Variants in UGT1A5 observed in about 807,000 individuals in gnomAD.
The protein encoded by UGT1A5 is UDP-glucuronosyltransferase 1A5.
In UGT1A5, 29 loss-of-function variants were observed where a neutral mutation model predicts 40.3. The ratio of observed to expected loss-of-function variants is 0.72; its 90% CI spans 0.54 to 0.98. UGT1A5 has a LOEUF of 0.98. UGT1A5 is among the 50% of genes least tolerant of loss of function. The pLI, the probability that UGT1A5 is intolerant of heterozygous loss-of-function variation, is 0.00. For synonymous variants in UGT1A5, 257 were observed against 262.5 expected, an observed-to-expected ratio of 0.98 and a Z score of 0.20; for missense variants, 678 against 677.9, an observed-to-expected ratio of 1.00 and a Z score of 0.00.
At chr2:233,743,661 G>C in intron 1 of UGT1A5, 1 of 1,367,236 alleles carries the variant, frequency 7.3e-7, no homozygotes, top group Non-Finnish European at 9.8e-7. Flanking sequence ...TACTCGAAGG[G>C]GTCCTCGAAG....
chr2:233,757,875 A>G (rs776201583), intron 1 of UGT1A5, among the ~76,000 whole-genome samples: 1 of 152,028 alleles, frequency 6.6e-6, no homozygotes, highest in Non-Finnish European at 1.5e-5. Flanking sequence ...AGTAGCTTCA[A>G]AAGGGTTCCA....
intron 4 of UGT1A5, among the ~76,000 whole-genome samples, chr2:233,771,932 C>G (rs909817739): frequency 6.6e-6 from 1 of 152,046 alleles, no homozygotes; most frequent in African/African-American, 2.4e-5. Context: ...CTGGGCAACA[C>G]AATAAGACCT....
In UGT1A5 at chr2:233,713,192, G is replaced by A; in HGVS notation, c.201G>A (p.Met67Ile). The A allele has an allele frequency of 6.2e-7, 1 of 1,614,232 alleles. No individual in the cohort carries two copies. ...TGGTCCTCACCCTGGAGGTGAATAT[G>A]TACATCAAAGAAGAGAACTTTTTCA... ...QVVVLTLEVN[M>I]YIKEENFFTL... Residue 67 changes from methionine (M) to isoleucine (I), a missense_variant, in exon 1 of 5, where the codon ATG (methionine) becomes ATA (isoleucine). By Grantham distance (10) the Met-to-Ile change is conservative. Transcript: ENST00000373414.
At chr2:233,719,047 C>A in intron 1 of UGT1A5, 2 of 1,614,252 alleles carry the variant, frequency 1.2e-6, no homozygotes, top group Non-Finnish European at 1.7e-6. Flanking sequence ...AAATTTTTCA[C>A]CCTGACAGCC....
chr2:233,748,809 T>C (rs927087498), intron 1 of UGT1A5, among the ~76,000 whole-genome samples: 1 of 151,174 alleles, frequency 6.6e-6, no homozygotes, highest in Non-Finnish European at 1.5e-5. Flanking sequence ...TATCAAGAAA[T>C]TGTGGAAGGG....
chr2:233,772,878 G>A lies in UGT1A5; in HGVS notation c.*319G>A. ...GAAACATGGCCTGTTTGGGAGTGCG[G>A]GATTCAAAGGTGGTCCCACGGCTGC... is the stretch of plus-strand genomic sequence containing the variant. On this transcript the variant is annotated 3_prime_UTR_variant, in exon 5 of 5. Coordinates refer to ENST00000373414, the MANE Select transcript of UGT1A5 (RefSeq NM_019078.2). 1 of 577,674 alleles carries A rather than the reference G, an allele frequency of 1.7e-6. No individual in the cohort carries two copies. 35.8% of individuals were successfully genotyped at this position (577,674 alleles called of 1,614,324 possible). A position where few individuals can be genotyped will look rare whatever the true frequency, so the allele number is the denominator to read the frequency against.
chr2:233,759,167 C>A (rs1180599090), intron 1 of UGT1A5, among the ~76,000 whole-genome samples: 1 of 152,178 alleles, frequency 6.6e-6, no homozygotes, highest in African/African-American at 2.4e-5. Context: ...ACAAGGCAGG[C>A]AGGTTTCACG....
At chr2:233,729,403 G>A (rs1559374235) in intron 1 of UGT1A5, 1 of 1,613,838 alleles carries the variant, frequency 6.2e-7, no homozygotes, top group Non-Finnish European at 8.5e-7. Flanking sequence ...TGATCGCCAT[G>A]TGCTGGGCCA....
At chr2:233,748,154 C>T (rs1428123835) in intron 1 of UGT1A5, 2 of 1,600,806 alleles carry the variant, frequency 1.2e-6, no homozygotes, top group Non-Finnish European at 1.7e-6. Flanking sequence ...CTTACAATTG[C>T]TTCCATATCT....
In UGT1A5 at chr2:233,755,092, A is replaced by T. The variant is rs549594693; in HGVS notation, c.868-11942A>T. ...TAGCGGTCATAGATATCGCGTTTCT[A>T]CGCGTCCGACAACACCTCGTAGGCC... On this transcript the variant is annotated intron_variant, in intron 1 of 4. Transcript: ENST00000373414. 773 of 1,335,120 alleles carry T rather than the reference A, an allele frequency of 5.8e-4. 7 individuals carry two copies. Among genetic ancestry groups the T allele is most frequent in the Non-Finnish European group, 7.2e-4 (712 of 992,672 alleles). 82.7% of individuals were successfully genotyped at this position (1,335,120 alleles called of 1,614,324 possible).
intron 1 of UGT1A5, chr2:233,755,373 C>A (rs534555830): frequency 2.8e-6 from 1 of 357,666 alleles, no homozygotes; most frequent in South Asian, 2.2e-5. Context: ...GCCTGGAGGG[C>A]CGCCCCTTAT....
At chr2:233,725,411 A>G (rs1339557332) in intron 1 of UGT1A5, among the ~76,000 whole-genome samples, 2 of 151,802 alleles carry the variant, frequency 1.3e-5, no homozygotes, top group Non-Finnish European at 2.9e-5. Context: ...TCTAATACAG[A>G]ATTGTCCAAT....
At chr2:233,720,737 G>A (rs1402303437) in intron 1 of UGT1A5, among the ~76,000 whole-genome samples, 14 of 144,628 alleles carry the variant, frequency 9.7e-5, no homozygotes, top group African/African-American at 2.3e-4. Flanking sequence ...ACTGAGCCTC[G>A]TTCTGTCGCC....
intron 1 of UGT1A5, among the ~76,000 whole-genome samples, chr2:233,726,421 T>C (rs1301909169): frequency 6.6e-6 from 1 of 152,226 alleles, no homozygotes; most frequent in African/African-American, 2.4e-5. Context: ...TCTGATTCTG[T>C]CCACTCTTAA....
Position 233,760,901 on chromosome 2 carries a change from C to T in UGT1A5, c.868-6133C>T, listed in dbSNP as rs766170365. The T allele has an allele frequency of 1.9e-6, 3 of 1,614,178 alleles. No homozygotes were observed. The highest frequency in any genetic ancestry group is 2.2e-5 in the East Asian group (1 of 44,884). On this transcript the variant is annotated intron_variant, in intron 1 of 4. Coordinates refer to ENST00000373414, the MANE Select transcript of UGT1A5 (RefSeq NM_019078.2). ...CTCTCCTCTCATTCAGATCACATGA[C>T]CTTCCTGCAGCGGGTGAAGAACATG... is the stretch of plus-strand genomic sequence containing the variant.
Position 233,713,196 on chromosome 2 carries a change from A to C in UGT1A5, c.205A>C (p.Ile69Leu), listed in dbSNP as rs775448281. The C allele has an allele frequency of 6.2e-7, 1 of 1,614,238 alleles. No individual in the cohort carries two copies. Among genetic ancestry groups the C allele is most frequent in the Non-Finnish European group, 8.5e-7 (1 of 1,180,034 alleles). Residue 69 changes from isoleucine to leucine, a missense_variant, in exon 1 of 5, where the codon ATC becomes CTC. Transcript: ENST00000373414. ...CCTCACCCTGGAGGTGAATATGTAC[A>C]TCAAAGAAGAGAACTTTTTCACCCT... ...VVLTLEVNMYIKEENFFTLTT... is the reference protein window; with the variant it reads ...VVLTLEVNMYLKEENFFTLTT...
intron 1 of UGT1A5, among the ~76,000 whole-genome samples, chr2:233,725,195 G>A (rs2077386503): frequency 1.1e-5 from 1 of 94,936 alleles, no homozygotes; most frequent in Non-Finnish European, 1.9e-5. Flanking sequence ...CAGAGGCAGA[G>A]GCAGAGGCAG....
At chr2:233,747,632 C>T in intron 1 of UGT1A5, 1 of 1,580,404 alleles carries the variant, frequency 6.3e-7, no homozygotes, top group Non-Finnish European at 8.7e-7. Flanking sequence ...TGATCAGGCA[C>T]CTGAATGCTA....
In UGT1A5 at chr2:233,772,793, T is replaced by C. The variant is rs532329443; in HGVS notation, c.*234T>C. 4.9e-6 allele frequency: 6 copies of C among 1,212,356 alleles called. No individual in the cohort carries two copies. The African/African-American group carries it at 9.2e-5, about 19-fold the overall frequency. 75.1% of individuals were successfully genotyped at this position (1,212,356 alleles called of 1,614,324 possible). ...TCTGGTGTCTTTGATCAGGATGACA[T>C]GTGCCATTTTTCAGAGGACGTGCAG... On this transcript the variant is annotated 3_prime_UTR_variant, in exon 5 of 5. Transcript: ENST00000373414.
Sources: allele counts gnomAD v4.1 joint callset (sites outside exome capture counted in the v4.1 genomes callset), GRCh38; gene constraint gnomAD v4.1.1; transcripts MANE v1.5; gene names NCBI Gene and HGNC (gene_info 2026-07-23, HGNC 2026-07-21).